Variants in LTK observed in about 807,000 individuals in gnomAD.
The protein encoded by LTK is leukocyte receptor tyrosine kinase, also known as leukocyte tyrosine kinase receptor.
LTK carries 117 observed loss-of-function variants against 101.5 expected under a neutral mutation model. The observed-to-expected ratio is 1.15, with a 90% CI of 0.99 to 1.34. The LOEUF (loss-of-function observed/expected upper bound fraction) is 1.34, where lower values mean the gene tolerates loss of function less well. LTK is among the 40% of genes most tolerant of loss of function. The pLI is 0.00. For synonymous variants in LTK, 563 were observed against 494.2 expected (o/e 1.14, Z -1.85); for missense variants, 1,252 against 1,164.7 (o/e 1.07, Z -1.09).
chr15:41,512,238 G>A lies in LTK; in HGVS notation c.387C>T (p.Gly129=). 6.2e-7 allele frequency: 1 copy of A among 1,612,760 alleles called. No individual in the cohort carries two copies. Among genetic ancestry groups the A allele is most frequent in the South Asian group, 1.1e-5 (1 of 91,022 alleles). Residue 129 remains glycine (G), a synonymous_variant, in exon 4 of 20, where the codon GGC becomes GGT. Coordinates refer to ENST00000263800, the MANE Select transcript of LTK (RefSeq NM_002344.6). Reference sequence around the variant, plus strand: ...GCGACAGGTGGTTCTTGGCGCCTTTGCCGCCCGCGGCTCCGTAGGCTGAGA... The same window carrying A: ...GCGACAGGTGGTTCTTGGCGCCTTTACCGCCCGCGGCTCCGTAGGCTGAGA... ...YLISAYGAAG[G]KGAKNHLSRA... is the part of the protein sequence containing the mutation.
In LTK at chr15:41,511,795, G is replaced by A. The variant is rs1051623256; in HGVS notation, c.657+22C>T. The stretch of plus-strand genomic sequence containing the variant: ...GGGAGAGGATTGGGACCCCAACGCT[G>A]AGCGCCGAAGGGAGCACGTACCCGG... On this transcript the variant is annotated intron_variant, in intron 5 of 19. Transcript: ENST00000263800. This position sits in a 1 kb window ranked among gnomAD's most constrained non-coding sequence, Gnocchi z 5.9. 33 of 1,485,996 alleles carry A rather than the reference G, an allele frequency of 2.2e-5. No homozygotes were observed. The South Asian group carries it at 4.3e-4, about 19-fold the overall frequency. 92.1% of individuals were successfully genotyped at this position (1,485,996 alleles called of 1,614,324 possible). A position where few individuals can be genotyped will look rare whatever the true frequency, so the allele number is the denominator to read the frequency against.
rs750941736 is a variant in LTK at position 41,504,127 on chromosome 15, C to A, written c.2464G>T (p.Glu822Ter). 2 of 1,614,118 alleles carry A rather than the reference C, an allele frequency of 1.2e-6. No homozygotes were observed. Residue 822 changes from glutamate (E) to a stop codon, truncating the protein, a stop_gained, in exon 20 of 20, where the codon GAA (glutamate) becomes TAA (stop). Transcript: ENST00000263800. LOFTEE classifies it low-confidence loss of function (END_TRUNC). Reference sequence around the variant, plus strand: ...CTTTTCAACTTCTCTGGACTCAGTTCCTGGGGCTGTGGGGGTCTTAGGCAC... The same window carrying A: ...CTTTTCAACTTCTCTGGACTCAGTTACTGGGGCTGTGGGGGTCTTAGGCAC... Reference protein sequence around the residue: ...LECLRPPQPQELSPEKLKSWG... With the variant: ...LECLRPPQPQ
At chr15:41,507,686 G>A in intron 9 of LTK, 29 bp from the exon 10 acceptor site, 1 of 1,600,314 alleles carries the variant, frequency 6.2e-7, no homozygotes, top group South Asian at 1.1e-5. Flanking sequence ...ACCTCCAGTG[G>A]GAAGGTCTTC....
At chr15:41,505,175 A>G (rs780671052) in intron 15 of LTK, 33 bp downstream of exon 15, 3 of 1,603,726 alleles carry the variant, frequency 1.9e-6, no homozygotes, top group African/African-American at 1.3e-5. Flanking sequence ...GGGAGTTGGG[A>G]TGGGGGTCCC....
Position 41,513,745 on chromosome 15 carries a change from G to T in LTK, c.-36C>A. The T allele has an allele frequency of 6.3e-7, 1 of 1,598,794 alleles. No individual in the cohort carries two copies. The highest frequency in any genetic ancestry group is 8.6e-7 in the Non-Finnish European group (1 of 1,166,652). On this transcript the variant is annotated 5_prime_UTR_variant, in exon 1 of 20. Coordinates refer to ENST00000263800, the MANE Select transcript of LTK (RefSeq NM_002344.6). ...TCCACCCGGCAACAAAAGCCCTTGC[G>T]GTCGCGGCCACACCCCTGTCAACCT...
At chr15:41,506,638 T>A (rs919345668) in intron 11 of LTK, among the ~76,000 whole-genome samples, 1 of 152,026 alleles carries the variant, frequency 6.6e-6, no homozygotes, top group Non-Finnish European at 1.5e-5. Context: ...TCGCCCTGGC[T>A]GGAGTGCAAT....
In LTK at chr15:41,508,238, T is replaced by G. The variant is rs964886099; in HGVS notation, c.1097-17A>C. On this transcript the variant is annotated splice_polypyrimidine_tract_variant and intron_variant, in intron 8 of 19. Transcript: ENST00000263800. ...TCTCGGTGACTGTGAGTAAAAGAACTGATATGATATGGTGTGGTAGGGCTG... is the reference window on the plus strand; with the variant it reads ...TCTCGGTGACTGTGAGTAAAAGAACGGATATGATATGGTGTGGTAGGGCTG... The G allele has an allele frequency of 6.2e-7, 1 of 1,604,150 alleles. No homozygotes were observed. Among genetic ancestry groups the G allele is most frequent in the South Asian group, 1.1e-5 (1 of 90,348 alleles).
At position 41,511,555 on chromosome 15, in the gene LTK, C is replaced by T; in HGVS notation, c.681G>A (p.Pro227=). ...CGCCGCCTCCGGCCGCCACCAGCAA[C>T]GGTTCCAGCTCGCCAGCGCGCACCT... The part of the protein sequence containing the change: ...VFRVRAGELE[P]LLVAAGGGGR... Residue 227 remains proline (P), a synonymous_variant, in exon 6 of 20, where the codon CCG becomes CCA. Coordinates refer to ENST00000263800, the MANE Select transcript of LTK (RefSeq NM_002344.6). The surrounding 1 kb of genome is among the most constrained non-coding windows in gnomAD (Gnocchi z 5.9). 6.9e-7 allele frequency: 1 copy of T among 1,456,010 alleles called. No individual in the cohort carries two copies. 90.2% of individuals were successfully genotyped at this position (1,456,010 alleles called of 1,614,324 possible). A position where few individuals can be genotyped will look rare whatever the true frequency, so the allele number is the denominator to read the frequency against.
chr15:41,504,208 G>A lies in LTK; in HGVS notation c.2383C>T (p.Leu795=). ...CCTTCCTCCTCTGGGGTGGGCCCCA[G>A]CTCCATTGGCAGGAGTGAATTCAGC... is the stretch of plus-strand genomic sequence containing the variant. The part of the protein sequence containing the change: ...DVLNSLLPME[L]GPTPEEEGTS... Residue 795 remains leucine, a synonymous_variant, in exon 20 of 20, where the codon CTG becomes TTG. Transcript: ENST00000263800. 1.2e-6 allele frequency: 2 copies of A among 1,611,984 alleles called. No individual in the cohort carries two copies. The highest frequency in any genetic ancestry group is 1.7e-6 in the Non-Finnish European group (2 of 1,178,656).
chr15:41,512,036 G>A, intron 4 of LTK, 73 bp from the exon 5 acceptor site: 1 of 1,477,780 alleles, frequency 6.8e-7, no homozygotes, highest in Admixed American at 2.5e-5. Flanking sequence ...CCGGCACCGA[G>A]GAAAGCACGC....
Position 41,504,397 on chromosome 15 carries a change from G to A in LTK, c.2291C>T (p.Pro764Leu), listed in dbSNP as rs1185980828. ...GCTGGCAAAGCTAGGGCGGAGCTCA[G>A]GCTCGTGCTGCCAACACTGGGTCAT... ...RIMTQCWQHE[P>L]ELRPSFASIL... The change falls in exon 19 of 20, where the codon CCT (proline) becomes CTT (leucine). Residue 764 changes from proline (P) to leucine (L), a missense_variant. Physicochemically the swap from Pro to Leu is moderately conservative, Grantham distance 98. Coordinates refer to ENST00000263800, the MANE Select transcript of LTK (RefSeq NM_002344.6). 6.2e-7 allele frequency: 1 copy of A among 1,614,174 alleles called. No individual in the cohort carries two copies. Among genetic ancestry groups the A allele is most frequent in the South Asian group, 1.1e-5 (1 of 91,092 alleles).
At chr15:41,509,664 GCCTGACCAAC>G (rs2051392368) in intron 7 of LTK, among the ~76,000 whole-genome samples, 1 of 152,100 alleles carries the variant, frequency 6.6e-6, no homozygotes, top group Non-Finnish European at 1.5e-5. Flanking sequence ...TCCGAGACTA[GCCTGACCAAC>G]ATGGTGAAAC....
At position 41,511,786 on chromosome 15, in the gene LTK, C is replaced by T. The variant is rs1324228200; in HGVS notation, c.657+31G>A. The T allele has an allele frequency of 1.3e-6, 2 of 1,483,452 alleles. No homozygotes were observed. The highest frequency in any genetic ancestry group is 1.8e-6 in the Non-Finnish European group (2 of 1,127,948). The allele number at this position is 1,483,452 out of a possible 1,614,324, so 91.9% of individuals were successfully genotyped here. ...GCGCCCCTGGGGAGAGGATTGGGAC[C>T]CCAACGCTGAGCGCCGAAGGGAGCA... On this transcript the variant is annotated intron_variant, in intron 5 of 19. Coordinates refer to ENST00000263800, the MANE Select transcript of LTK (RefSeq NM_002344.6). This position sits in a 1 kb window ranked among gnomAD's most constrained non-coding sequence, Gnocchi z 5.9.
Position 41,509,013 on chromosome 15 carries a change from T to C in LTK, c.1096+18A>G, listed in dbSNP as rs756569049. On this transcript the variant is annotated intron_variant, in intron 8 of 19. Coordinates refer to ENST00000263800, the MANE Select transcript of LTK (RefSeq NM_002344.6). ...AAGAAGTCCAGGCCAGGCTCAGAGG[T>C]GGGGTTGGGGCCAATACCTGCCAGA... 30 of 1,567,436 alleles carry C rather than the reference T, an allele frequency of 1.9e-5. No homozygotes were observed. The highest frequency in any genetic ancestry group is 2.3e-5 in the Non-Finnish European group (27 of 1,150,144).
rs760972527 is a variant in LTK, at chr15:41,505,723, G to C, written c.1687C>G (p.Leu563Val). The change falls in exon 13 of 20, where the codon CTC (leucine) becomes GTC (valine). Residue 563 changes from leucine (L) to valine (V), a missense_variant. Leu to Val is a conservative substitution (Grantham distance 32, BLOSUM62 1). Transcript: ENST00000263800. The stretch of plus-strand genomic sequence containing the variant: ...TGGTCCCAGGTGCACCTGATGATGA[G>C]GGCCTCCATGAGGAAATCCAGCTCA... ...QDELDFLMEA[L>V]IISKFRHQNI... 1 of 1,613,878 alleles carries C rather than the reference G, an allele frequency of 6.2e-7. No individual in the cohort carries two copies. Among genetic ancestry groups the C allele is most frequent in the South Asian group, 1.1e-5 (1 of 91,064 alleles).
chr15:41,506,865 C>T lies in LTK; in HGVS notation c.1541+230G>A, dbSNP rs184610229. On this transcript the variant is annotated intron_variant, in intron 11 of 19. Coordinates refer to ENST00000263800, the MANE Select transcript of LTK (RefSeq NM_002344.6). ...TCGACCTCCCAAAGTTCTGGGATTA[C>T]AGGTGTGAGCCACCACGCCCAGCTG... Among the ~76,000 whole-genome samples the T allele has an allele frequency of 2.0e-4, 30 of 152,348 alleles. No individual in the cohort carries two copies. The East Asian group carries it at 5.8e-3, about 29-fold the overall frequency.
rs1417416933 is a variant in LTK at position 41,505,967 on chromosome 15, C to A, written c.1580G>T (p.Gly527Val). 1 of 1,614,002 alleles carries A rather than the reference C, an allele frequency of 6.2e-7. No homozygotes were observed. The highest frequency in any genetic ancestry group is 1.1e-5 in the South Asian group (1 of 91,060). The change falls in exon 12 of 20, where the codon GGA (glycine) becomes GTA (valine). Residue 527 changes from glycine (G) to valine (V), a missense_variant. By Grantham distance (109) the Gly-to-Val change is moderately radical. Coordinates refer to ENST00000263800, the MANE Select transcript of LTK (RefSeq NM_002344.6). ...GTCCCCAGGAAGGCCAATTACCAGTCCCTCATACACCTCCCCAAAGGCACC... is the reference window on the plus strand; with the variant it reads ...GTCCCCAGGAAGGCCAATTACCAGTACCTCATACACCTCCCCAAAGGCACC... ...GHGAFGEVYE[G>V]LVIGLPGDSS...
At chr15:41,508,769 G>A (rs1027846576) in intron 8 of LTK, among the ~76,000 whole-genome samples, 5 of 152,138 alleles carry the variant, frequency 3.3e-5, no homozygotes, top group African/African-American at 1.2e-4. Flanking sequence ...TGAAAAGCAC[G>A]CAGCATGCCC....
In LTK at chr15:41,508,116, A is replaced by G. The variant is rs2140713302; in HGVS notation, c.1202T>C (p.Leu401Pro). 3.1e-6 allele frequency: 5 copies of G among 1,613,280 alleles called. No homozygotes were observed. Among genetic ancestry groups the G allele is most frequent in the Non-Finnish European group, 4.2e-6 (5 of 1,179,750 alleles). ...WQAELQLAECLCPEGMELAVD... is the reference protein window; with the variant it reads ...WQAELQLAECPCPEGMELAVD... The stretch of plus-strand genomic sequence containing the variant: ...AGCTAGCTCCATGCCTTCTGGGCAC[A>G]GGCATTCAGCCAGCTGGAGCTCTGC... The change falls in exon 9 of 20, where the codon CTG becomes CCG. Residue 401 changes from leucine (L) to proline (P), a missense_variant. Leu to Pro is a moderately conservative substitution (Grantham distance 98). Transcript: ENST00000263800.
Sources: allele counts gnomAD v4.1 joint callset (sites outside exome capture counted in the v4.1 genomes callset), GRCh38; gene constraint gnomAD v4.1.1; non-coding constraint Gnocchi (gnomAD v3.1); transcripts MANE v1.5; gene names NCBI Gene and HGNC (gene_info 2026-07-23, HGNC 2026-07-21).